The following HSPBAP1 variants were observed in gnomAD, a reference collection of about 807,000 sequenced individuals.
HSPBAP1 encodes HSPB1 associated protein 1, also known as HSPB1-associated protein 1.
HSPBAP1 carries 27 observed loss-of-function variants against 45.2 expected under a neutral mutation model. The ratio of observed to expected loss-of-function variants is 0.60; its 90% CI spans 0.44 to 0.82. The LOEUF is 0.82. Ranked by LOEUF, HSPBAP1 falls within the 40% of genes least tolerant of loss-of-function variation. The pLI, the probability that HSPBAP1 is intolerant of heterozygous loss-of-function variation, is 0.00. For synonymous variants in HSPBAP1, 204 were observed against 202.7 expected (o/e 1.01, Z -0.06); for missense variants, 510 against 590.9 (o/e 0.86, Z 1.42).
At chr3:122,781,568 GGAGA>G (rs1239680032) in intron 1 of HSPBAP1, among the ~76,000 whole-genome samples, 4 of 152,158 alleles carry the variant, frequency 2.6e-5, no homozygotes, top group African/African-American at 7.2e-5. Flanking sequence ...GTGGGGAGAC[GGAGA>G]GAGAGAGGGA....
chr3:122,770,436 T>C (rs1313437050), intron 2 of HSPBAP1, among the ~76,000 whole-genome samples: 5 of 152,174 alleles, frequency 3.3e-5, no homozygotes. Context: ...TAGTGGAACA[T>C]GCCTATAATC....
Position 122,763,623 on chromosome 3 carries a change from A to G in HSPBAP1, c.433-4263T>C, listed in dbSNP as rs143652846. ...TATGAAAATAATTTTGATCTCAAAGATCCTCTGAAAGGGTGTCAGGGACCC... is the reference window on the plus strand; with the variant it reads ...TATGAAAATAATTTTGATCTCAAAGGTCCTCTGAAAGGGTGTCAGGGACCC... On this transcript the variant is annotated intron_variant, in intron 3 of 7. Coordinates refer to ENST00000306103, the MANE Select transcript of HSPBAP1 (RefSeq NM_024610.6). Among the ~76,000 whole-genome samples the G allele has an allele frequency of 3.9e-5, 6 of 152,278 alleles. No homozygotes were observed. In the East Asian group the frequency reaches 1.2e-3, roughly 29 times the overall value.
intron 1 of HSPBAP1, among the ~76,000 whole-genome samples, chr3:122,780,376 G>A (rs1434293913): frequency 2.5e-5 from 3 of 119,610 alleles, no homozygotes; most frequent in Non-Finnish European, 3.7e-5. Context: ...CTGACCGGGC[G>A]GGGGGCTGAC....
chr3:122,773,670 T>C (rs1370294592), intron 2 of HSPBAP1, among the ~76,000 whole-genome samples: 1 of 152,096 alleles, frequency 6.6e-6, no homozygotes, highest in Non-Finnish European at 1.5e-5. Context: ...CAGGGCCTCA[T>C]TCTGTCTCCC....
chr3:122,745,804 C>T (rs767479896), intron 6 of HSPBAP1, among the ~76,000 whole-genome samples: 4 of 152,150 alleles, frequency 2.6e-5, no homozygotes, highest in Non-Finnish European at 5.9e-5. Context: ...AGAAGGAAAA[C>T]CAGCATGCTG....
chr3:122,747,639 C>A (rs1933943719), intron 6 of HSPBAP1, among the ~76,000 whole-genome samples: 1 of 147,612 alleles, frequency 6.8e-6, no homozygotes. Flanking sequence ...GTGGGGGGGT[C>A]AGCCCCCCGC....
At chr3:122,779,915 A>T (rs1021952147) in intron 1 of HSPBAP1, among the ~76,000 whole-genome samples, 1 of 151,862 alleles carries the variant, frequency 6.6e-6, no homozygotes, top group East Asian at 1.9e-4. Flanking sequence ...TTCTTTCTAC[A>T]CAGACACGGC....
At chr3:122,783,842 T>G (rs1265896503) in intron 1 of HSPBAP1, among the ~76,000 whole-genome samples, 2 of 152,066 alleles carry the variant, frequency 1.3e-5, no homozygotes, top group African/African-American at 4.8e-5. Context: ...TCTTTTTTTT[T>G]TTTTTTGAGA....
intron 4 of HSPBAP1, among the ~76,000 whole-genome samples, chr3:122,755,635 C>A (rs1029091568): frequency 6.6e-6 from 1 of 151,212 alleles, no homozygotes; most frequent in Admixed American, 6.6e-5. Flanking sequence ...TGTGTAGCAA[C>A]TAAGGGGCTG....
chr3:122,780,582 G>A, intron 1 of HSPBAP1, among the ~76,000 whole-genome samples: 1 of 145,024 alleles, frequency 6.9e-6, no homozygotes, highest in Non-Finnish European at 1.5e-5. Flanking sequence ...CTCCCGGACG[G>A]GGCGGCTGGC....
chr3:122,745,364 A>T (rs919177140), intron 6 of HSPBAP1, among the ~76,000 whole-genome samples: 1 of 152,212 alleles, frequency 6.6e-6, no homozygotes, highest in African/African-American at 2.4e-5. Flanking sequence ...TAGAAGACAG[A>T]ATGGAAGAGA....
Position 122,758,211 on chromosome 3 carries a change from G to A in HSPBAP1, c.569+1013C>T, listed in dbSNP as rs559694903. 2.0e-5 allele frequency among the ~76,000 whole-genome samples: 3 copies of A among 152,290 alleles called. No individual in the cohort carries two copies. In the South Asian group the frequency reaches 6.2e-4, roughly 32 times the overall value. On this transcript the variant is annotated intron_variant, in intron 4 of 7. Transcript: ENST00000306103. ...AATGTCCCACATGACCAGGAGAAAA[G>A]ACTGGGGCATCATTAATTAGGGGAA...
rs1560100266 is a variant in HSPBAP1, at chr3:122,740,617, ACCTC to A, written c.1191_1194del (p.Gln397HisfsTer39). On this transcript the variant is annotated frameshift_variant, in exon 8 of 8. Transcript: ENST00000306103. LOFTEE classifies it low-confidence loss of function (END_TRUNC). Reference sequence around the variant, plus strand: ...CCTCTTTCTGAAGGCGGTTCTTCGGACCTCTGTGCTACAGGGACCAGATCAGGGC... The same window carrying A: ...CCTCTTTCTGAAGGCGGTTCTTCGGATGTGCTACAGGGACCAGATCAGGGC... 1.2e-5 allele frequency: 19 copies of A among 1,613,966 alleles called. No homozygotes were observed. Among genetic ancestry groups the A allele is most frequent in the Non-Finnish European group, 1.5e-5 (18 of 1,179,992 alleles).
At chr3:122,740,948 G>A (rs987819630) in intron 7 of HSPBAP1, 55 bp downstream of exon 7, 1 of 1,605,976 alleles carries the variant, frequency 6.2e-7, no homozygotes, top group East Asian at 2.2e-5. Context: ...GTTCTAGTCA[G>A]GGCTGGTTTA....
rs781332994 is a variant in HSPBAP1, at chr3:122,793,640, G to A, written c.41C>T (p.Ala14Val). The A allele has an allele frequency of 3.2e-5, 52 of 1,613,804 alleles. No individual in the cohort carries two copies. The highest frequency in any genetic ancestry group is 2.4e-5 in the Non-Finnish European group (28 of 1,179,996). The change falls in exon 1 of 8, where the codon GCG becomes GTG. Residue 14 changes from alanine (A) to valine (V), a missense_variant. Transcript: ENST00000306103. ...ACCTTCCTCCCCTCCAGCCCCAGCC[G>A]CAACGATCACAGGAGTGGTCGCCTC... Reference protein sequence around the residue: ...GSEATTPVIVAAGAGGEEGEH... With the variant: ...GSEATTPVIVVAGAGGEEGEH...
At chr3:122,771,531 AT>A (rs1299811716) in intron 2 of HSPBAP1, among the ~76,000 whole-genome samples, 2 of 152,218 alleles carry the variant, frequency 1.3e-5, no homozygotes, top group Admixed American at 1.3e-4. Flanking sequence ...GATAACAACT[AT>A]TTCTCCATTT....
Position 122,740,705 on chromosome 3 carries a change from T to C in HSPBAP1, c.1107A>G (p.Gln369=). Residue 369 remains glutamine, a synonymous_variant, in exon 8 of 8, where the codon CAA becomes CAG. Transcript: ENST00000306103. ...CTGTGGTCAAGTTCTGGCTACCTGT[T>C]TGGCCCACCTCCATGTGGTTGCACA... ...LNVCNHMEVG[Q]TGSQNLTTGT... is the part of the protein sequence containing the mutation. 6.2e-7 allele frequency: 1 copy of C among 1,614,134 alleles called. No homozygotes were observed. The highest frequency in any genetic ancestry group is 1.7e-5 in the Admixed American group (1 of 60,028).
intron 6 of HSPBAP1, among the ~76,000 whole-genome samples, chr3:122,746,633 T>TCTCTCTCCTCTCC (rs1560108143): frequency 2.0e-5 from 3 of 150,642 alleles, no homozygotes; most frequent in Non-Finnish European, 3.0e-5. Context: ...CCTCTCTCTC[T>TCTCTCTCCTCTCC]CCTCTCCCCT....
chr3:122,747,429 C>G (rs1314185806), intron 6 of HSPBAP1, among the ~76,000 whole-genome samples: 1 of 151,630 alleles, frequency 6.6e-6, no homozygotes, highest in Non-Finnish European at 1.5e-5. Context: ...GCAACCACAC[C>G]GTCTGGGAAG....
Sources: gnomAD v4.1 joint callset for allele counts (sites outside exome capture counted in the v4.1 genomes callset) on GRCh38, gnomAD v4.1.1 for gene constraint, MANE v1.5 for transcripts, NCBI Gene and HGNC (gene_info 2026-07-23, HGNC 2026-07-21) for gene names.